Variants in EVI5 observed in about 807,000 individuals in gnomAD.
EVI5 encodes the protein ecotropic viral integration site 5, also known as ecotropic viral integration site 5 protein homolog.
A neutral mutation model predicts 112.0 loss-of-function variants in EVI5; 73 were observed. That is an observed-to-expected ratio of 0.65 (90% confidence interval 0.54 to 0.79). EVI5 has a LOEUF of 0.79. Ranked by LOEUF, EVI5 falls within the 30% of genes least tolerant of loss-of-function variation. The probability of loss-of-function intolerance (pLI) is 0.00; values close to 1 mark genes in which losing one functional copy is unlikely to be tolerated. For synonymous variants in EVI5, 305 were observed against 319.9 expected, an observed-to-expected ratio of 0.95 and a Z score of 0.50; for missense variants, 900 against 968.8, an observed-to-expected ratio of 0.93 and a Z score of 0.94.
chr1:92,632,284 G>C (rs972992556), intron 14 of EVI5, among the ~76,000 whole-genome samples: 8 of 152,166 alleles, frequency 5.3e-5, no homozygotes, highest in African/African-American at 1.7e-4. Flanking sequence ...ACCTCTGGTA[G>C]AATTTGGCTG....
At chr1:92,642,129 C>G (rs889793819) in intron 13 of EVI5, among the ~76,000 whole-genome samples, 4 of 151,234 alleles carry the variant, frequency 2.6e-5, no homozygotes, top group Non-Finnish European at 4.4e-5. Flanking sequence ...ATACTCCATC[C>G]CAAAAAAAAA....
At chr1:92,756,954 G>C in intron 1 of EVI5, 1 of 307,536 alleles carries the variant, frequency 3.3e-6, no homozygotes, top group South Asian at 3.1e-5. Context: ...TGCTTTGAAA[G>C]GTGATTATGT....
chr1:92,662,645 T>G, intron 13 of EVI5, 74 bp downstream of exon 13: 1 of 961,664 alleles, frequency 1.0e-6, no homozygotes, highest in Non-Finnish European at 1.3e-6. Flanking sequence ...GCACAAAATC[T>G]GTGCTATGAA....
At chr1:92,718,794 CA>C (rs1447797677) in intron 2 of EVI5, among the ~76,000 whole-genome samples, 1 of 151,902 alleles carries the variant, frequency 6.6e-6, no homozygotes, top group Non-Finnish European at 1.5e-5. Flanking sequence ...TGATAGACCT[CA>C]AGCAAGATTA....
At chr1:92,555,721 G>C (rs1667569299) in intron 19 of EVI5, among the ~76,000 whole-genome samples, 1 of 151,900 alleles carries the variant, frequency 6.6e-6, no homozygotes, top group Non-Finnish European at 1.5e-5. Flanking sequence ...GTGGCGGCAT[G>C]TGCCTGTAGT....
At chr1:92,789,476 G>A (rs1685927369), upstream of EVI5, among the ~76,000 whole-genome samples, 1 of 152,056 alleles carries the variant, frequency 6.6e-6, no homozygotes, top group South Asian at 2.1e-4. Flanking sequence ...CTAATTTTTT[G>A]TATTTTTAGT....
chr1:92,597,448 T>G (rs1370177383), intron 18 of EVI5, among the ~76,000 whole-genome samples: 1 of 152,154 alleles, frequency 6.6e-6, no homozygotes, highest in African/African-American at 2.4e-5. Context: ...AGGTTTAAAT[T>G]CCATTAAAAA....
intron 9 of EVI5, among the ~76,000 whole-genome samples, chr1:92,683,785 G>A (rs541678392): frequency 7.9e-5 from 12 of 152,138 alleles, no homozygotes; most frequent in East Asian, 3.9e-4. Context: ...TAGTTGATTC[G>A]ATCAAGTGGA....
chr1:92,786,084 C>CT (rs909353848), upstream of EVI5, among the ~76,000 whole-genome samples: 14 of 98,760 alleles, frequency 1.4e-4, no homozygotes, highest in African/African-American at 3.5e-4. Flanking sequence ...GAACGATACT[C>CT]TGTCTCAAAA....
intron 18 of EVI5, among the ~76,000 whole-genome samples, chr1:92,578,562 CA>C (rs762967624): frequency 1.3e-5 from 2 of 151,824 alleles, no homozygotes; most frequent in African/African-American, 2.4e-5. Flanking sequence ...AAACAAAATA[CA>C]AAAAATTAGC....
chr1:92,646,657 A>G (rs1661025544), intron 13 of EVI5, among the ~76,000 whole-genome samples: 1 of 152,238 alleles, frequency 6.6e-6, no homozygotes, highest in Admixed American at 6.5e-5. Context: ...TACAGTTGAT[A>G]ACAGGATTTC....
chr1:92,716,935 G>C (rs1442977487), intron 2 of EVI5, among the ~76,000 whole-genome samples: 1 of 151,836 alleles, frequency 6.6e-6, no homozygotes, highest in Admixed American at 6.6e-5. Context: ...GAATGACTTT[G>C]AGGAGATGAC....
At chr1:92,743,328 G>A (rs982466260) in intron 1 of EVI5, among the ~76,000 whole-genome samples, 1 of 152,044 alleles carries the variant, frequency 6.6e-6, no homozygotes, top group Non-Finnish European at 1.5e-5. Context: ...ACTCCAGCCT[G>A]GCGACAGAGC....
At chr1:92,603,726 T>C (rs1433415448) in intron 18 of EVI5, among the ~76,000 whole-genome samples, 2 of 151,762 alleles carry the variant, frequency 1.3e-5, no homozygotes, top group African/African-American at 4.8e-5. Flanking sequence ...TTAATTTTAA[T>C]TTTTAATAAA....
chr1:92,658,082 T>A (rs1204809362), intron 13 of EVI5, among the ~76,000 whole-genome samples: 1 of 151,994 alleles, frequency 6.6e-6, no homozygotes, highest in Non-Finnish European at 1.5e-5. Flanking sequence ...ATTGAAGGAA[T>A]ATACCTGAAA....
In EVI5 at chr1:92,551,040, C is replaced by CTTTTTTTTTTT. The variant is rs55898086; in HGVS notation, c.2166+12591_2166+12601dup. Among the ~76,000 whole-genome samples the CTTTTTTTTTTT allele has an allele frequency of 6.8e-3, 545 of 80,650 alleles. 5 individuals are homozygous for CTTTTTTTTTTT. The highest frequency in any genetic ancestry group is 0.013 in the East Asian group (28 of 2,162). 52.9% of individuals were successfully genotyped at this position (80,650 alleles called of 152,430 possible). A position where few individuals can be genotyped will look rare whatever the true frequency, so the allele number is the denominator to read the frequency against. Reference sequence around the variant, plus strand: ...TCTTTTTTCTTTTCTTTCTTTCTTTCTTTTTTTTTTTTTTTTTTTTGAGAC... The same window carrying CTTTTTTTTTTT: ...TCTTTTTTCTTTTCTTTCTTTCTTTCTTTTTTTTTTTTTTTTTTTTTTTTTTTTTTTGAGAC... On this transcript the variant is annotated intron_variant, in intron 19 of 19. Coordinates refer to ENST00000684568, the MANE Select transcript of EVI5 (RefSeq NM_001350197.2).
chr1:92,531,487 C>T (rs912931352), intron 19 of EVI5, among the ~76,000 whole-genome samples: 3 of 152,136 alleles, frequency 2.0e-5, no homozygotes, highest in African/African-American at 7.2e-5. Flanking sequence ...ACATAATCAT[C>T]AGATTCACCA....
intron 16 of EVI5, among the ~76,000 whole-genome samples, chr1:92,623,354 G>A (rs1475585007): frequency 6.6e-6 from 1 of 152,106 alleles, no homozygotes; most frequent in African/African-American, 2.4e-5. Context: ...ATTTTGCACT[G>A]GAATACAGAA....
At chr1:92,718,335 C>T (rs558582515) in intron 2 of EVI5, among the ~76,000 whole-genome samples, 35 of 152,268 alleles carry the variant, frequency 2.3e-4, no homozygotes, top group Non-Finnish European at 3.7e-4. Context: ...GAAATCACAA[C>T]AAACGGTCTC....
Sources: gnomAD v4.1 joint callset for allele counts (sites outside exome capture counted in the v4.1 genomes callset) on GRCh38, gnomAD v4.1.1 for gene constraint, MANE v1.5 for transcripts, NCBI Gene and HGNC (gene_info 2026-07-23, HGNC 2026-07-21) for gene names.